The following SH3BP5 variants were observed in gnomAD, a reference collection of about 807,000 sequenced individuals.
SH3BP5 encodes the protein SH3 domain-binding protein 5.
SH3BP5 carries 22 observed loss-of-function variants against 43.3 expected under a neutral mutation model. The observed-to-expected ratio is 0.51, with a 90% confidence interval of 0.36 to 0.73. The LOEUF is 0.73. Ranked by LOEUF, SH3BP5 falls within the 30% of genes least tolerant of loss-of-function variation. The pLI, the probability that SH3BP5 is intolerant of heterozygous loss-of-function variation, is 0.00. For missense variants in SH3BP5, 529 were observed against 586.9 expected (o/e 0.90, Z 1.02); for synonymous variants, 255 against 225.8 (o/e 1.13, Z -1.16).
chr3:15,303,362 T>C (rs1203333191), intron 3 of SH3BP5, among the ~76,000 whole-genome samples: 1 of 152,192 alleles, frequency 6.6e-6, no homozygotes, highest in Admixed American at 6.5e-5. Context: ...GCCCAGAGCC[T>C]GCCACACAGC....
intron 3 of SH3BP5, among the ~76,000 whole-genome samples, chr3:15,284,438 G>A (rs1697209749): frequency 6.6e-6 from 1 of 152,186 alleles, no homozygotes; most frequent in South Asian, 2.1e-4. Flanking sequence ...ACTTTCATAA[G>A]CTAATCCTGG....
At chr3:15,340,757 A>AT (rs1322327743) in intron 1 of SH3BP5, among the ~76,000 whole-genome samples, 1 of 150,786 alleles carries the variant, frequency 6.6e-6, no homozygotes, top group Non-Finnish European at 1.5e-5. Flanking sequence ...GTCTCAAAAA[A>AT]TAAAAAAAAA....
chr3:15,283,589 C>A (rs1036613065), intron 3 of SH3BP5, among the ~76,000 whole-genome samples: 1 of 152,188 alleles, frequency 6.6e-6, no homozygotes, highest in Non-Finnish European at 1.5e-5. Context: ...CTGTTAGTGG[C>A]CACACCACTC....
chr3:15,332,607 C>G, upstream of SH3BP5: 7 of 1,190,984 alleles, frequency 5.9e-6, no homozygotes, highest in South Asian at 2.5e-4. Flanking sequence ...CGGCCGCCCC[C>G]TTTCTGCCGC....
intron 2 of SH3BP5, among the ~76,000 whole-genome samples, chr3:15,327,408 A>G (rs371619040): frequency 6.6e-6 from 1 of 152,136 alleles, no homozygotes; most frequent in Admixed American, 6.5e-5. Context: ...TCAGGAAAAA[A>G]AAAACAAAAC....
intron 2 of SH3BP5, among the ~76,000 whole-genome samples, chr3:15,305,057 C>T (rs1697862925): frequency 6.9e-6 from 1 of 144,296 alleles, no homozygotes; most frequent in Non-Finnish European, 1.5e-5. Flanking sequence ...GCAGAGGTTG[C>T]AGTGAGCCGA....
rs1413667128 is a variant in SH3BP5, at chr3:15,256,044, G to A, written c.*42C>T. 3 of 1,444,600 alleles carry A rather than the reference G, an allele frequency of 2.1e-6. No homozygotes were observed. Among genetic ancestry groups the A allele is most frequent in the East Asian group, 2.3e-5 (1 of 43,794 alleles). The allele number at this position is 1,444,600 out of a possible 1,614,324, so 89.5% of individuals were successfully genotyped here. A position where few individuals can be genotyped will look rare whatever the true frequency, so the allele number is the denominator to read the frequency against. On this transcript the variant is annotated 3_prime_UTR_variant, in exon 9 of 9. Transcript: ENST00000383791. Reference sequence around the variant, plus strand: ...TTGGCACAATGTTCTCCAGTTCCATGTATAAATGTTGATATGCACATCGGC... The same window carrying A: ...TTGGCACAATGTTCTCCAGTTCCATATATAAATGTTGATATGCACATCGGC...
rs1696175904 is a variant in SH3BP5, at chr3:15,255,873, A to AGTCT, written c.*209_*212dup. 5.4e-6 allele frequency: 3 copies of AGTCT among 553,888 alleles called. No homozygotes were observed. In the East Asian group the frequency reaches 9.0e-5, roughly 17 times the overall value. The allele number at this position is 553,888 out of a possible 1,614,324, so 34.3% of individuals were successfully genotyped here. A position where few individuals can be genotyped will look rare whatever the true frequency, so the allele number is the denominator to read the frequency against. ...CCACAAAGGCTGTGAACCTAGTCAC[A>AGTCT]GTCTACCCACAACAAGAACTCTGCT... On this transcript the variant is annotated 3_prime_UTR_variant, in exon 9 of 9. Coordinates refer to ENST00000383791, the MANE Select transcript of SH3BP5 (RefSeq NM_004844.5).
rs142024767 is a variant in SH3BP5, at chr3:15,256,990, A to T, written c.1013T>A (p.Phe338Tyr). ...GCTGCCAGGCCTCACAACCGCAGGG[A>T]ACTGGTCAGGCATCTCAGACGGGCT... ...PTSPSEMPDQ[F>Y]PAVVRPGSLD... Residue 338 changes from phenylalanine (F) to tyrosine (Y), a missense_variant, in exon 8 of 9, where the codon TTC (phenylalanine) becomes TAC (tyrosine). Physicochemically the swap from Phe to Tyr is conservative, Grantham distance 22. Around this residue, in one of 3 missense-constraint regions of SH3BP5, gnomAD observed 369 missense variants for 384.3 expected, o/e 0.96. Transcript: ENST00000383791. The T allele has an allele frequency of 4.3e-6, 7 of 1,614,232 alleles. No homozygotes were observed. Among genetic ancestry groups the T allele is most frequent in the Non-Finnish European group, 5.1e-6 (6 of 1,180,038 alleles).
In SH3BP5 at chr3:15,320,642, C is replaced by CACACACACACA. The variant is rs1553619765; in HGVS notation, c.201+9861_201+9862insTGTGTGTGTGT. Among the ~76,000 whole-genome samples, 124 of 25,768 alleles carry CACACACACACA rather than the reference C, an allele frequency of 4.8e-3. 1 individual carries two copies. Among genetic ancestry groups the CACACACACACA allele is most frequent in the African/African-American group, 0.016 (116 of 7,138 alleles). The allele number at this position is 25,768 out of a possible 152,430, so 16.9% of individuals were successfully genotyped here. A position where few individuals can be genotyped will look rare whatever the true frequency, so the allele number is the denominator to read the frequency against. On this transcript the variant is annotated intron_variant, in intron 2 of 8. Coordinates refer to ENST00000383791, the MANE Select transcript of SH3BP5 (RefSeq NM_004844.5). The stretch of plus-strand genomic sequence containing the variant: ...CACACACACACACACACACACACAC[C>CACACACACACA]CCACTACGTTAAAGTCCCTACAACA...
chr3:15,312,179 G>A (rs796446689), intron 2 of SH3BP5, among the ~76,000 whole-genome samples: 13 of 152,288 alleles, frequency 8.5e-5, no homozygotes, highest in African/African-American at 3.1e-4. Context: ...TACCTGACAG[G>A]TGACATGGCA....
At chr3:15,280,775 G>A (rs138613214) in intron 3 of SH3BP5, among the ~76,000 whole-genome samples, 19 of 152,238 alleles carry the variant, frequency 1.2e-4, no homozygotes, top group East Asian at 9.6e-4. Context: ...CTCCCTGCAC[G>A]TCCACTCACA....
chr3:15,297,704 C>G (rs1697615607), intron 3 of SH3BP5, among the ~76,000 whole-genome samples: 1 of 151,996 alleles, frequency 6.6e-6, no homozygotes, highest in East Asian at 1.9e-4. Flanking sequence ...TGAAAATGAC[C>G]AGGCTAGCCT....
At chr3:15,269,961 C>T in intron 3 of SH3BP5, 84 bp from the exon 4 acceptor site, 1 of 1,212,612 alleles carries the variant, frequency 8.2e-7, no homozygotes. Flanking sequence ...AAATAAGCAT[C>T]CCAAGGACCA....
At position 15,330,496 on chromosome 3, in the gene SH3BP5, C is replaced by T; in HGVS notation, c.201+8G>A. Reference sequence around the variant, plus strand: ...CTTCACCAAGAACAGGAACTCAGCTCTCTGTACCTCAAGTTCAGTCTCCCG... The same window carrying T: ...CTTCACCAAGAACAGGAACTCAGCTTTCTGTACCTCAAGTTCAGTCTCCCG... On this transcript the variant is annotated splice_region_variant and intron_variant, in intron 2 of 8. Coordinates refer to ENST00000383791, the MANE Select transcript of SH3BP5 (RefSeq NM_004844.5). 1 of 1,609,910 alleles carries T rather than the reference C, an allele frequency of 6.2e-7. No individual in the cohort carries two copies.
At chr3:15,263,368 C>T (rs6771376) in intron 4 of SH3BP5, among the ~76,000 whole-genome samples, 8,200 of 152,254 alleles carry the variant, frequency 0.054, 510 homozygotes, top group African/African-American at 0.14. Flanking sequence ...GTGCCAGGCA[C>T]GATGGCAGTC....
chr3:15,318,530 C>CAAAA (rs59276192), intron 2 of SH3BP5, among the ~76,000 whole-genome samples: 1 of 105,212 alleles, frequency 9.5e-6, no homozygotes, highest in Admixed American at 1.0e-4. Flanking sequence ...CTGTCAGCTC[C>CAAAA]AAAAAAAAAA....
intron 2 of SH3BP5, among the ~76,000 whole-genome samples, chr3:15,308,902 C>T (rs933375136): frequency 1.3e-5 from 2 of 152,096 alleles, no homozygotes; most frequent in Non-Finnish European, 2.9e-5. Context: ...TTCCAATGCA[C>T]CCTTTGTCAG....
intron 5 of SH3BP5, among the ~76,000 whole-genome samples, chr3:15,261,071 C>T (rs1343026835): frequency 1.3e-5 from 2 of 152,278 alleles, no homozygotes; most frequent in Middle Eastern, 3.4e-3. Flanking sequence ...CCTGGGCTTG[C>T]CCAGAGCAGG....
Sources: allele counts gnomAD v4.1 joint callset (sites outside exome capture counted in the v4.1 genomes callset), GRCh38; gene constraint gnomAD v4.1.1; regional missense constraint gnomAD v4.1.1; transcripts MANE v1.5; gene names NCBI Gene and HGNC (gene_info 2026-07-23, HGNC 2026-07-21).